Variants in IGLON5 observed in about 807,000 individuals in gnomAD.
IGLON5 encodes Ig-like domain-containing protein ENSP00000270642.
Under a neutral mutation model 38.2 loss-of-function variants are expected in IGLON5, and 16 were observed. The observed-to-expected ratio is 0.42, with a 90% CI of 0.28 to 0.64. The LOEUF (loss-of-function observed/expected upper bound fraction) is 0.64. IGLON5 is among the 30% of genes least tolerant of loss of function. The pLI is 0.23. For synonymous variants in IGLON5, 207 were observed against 216.4 expected (o/e 0.96, Z 0.38); for missense variants, 366 against 483.4 (o/e 0.76, Z 2.28).
rs532190064 is a variant in IGLON5, at chr19:51,317,351, C to T, written c.80-4713C>T. 4.6e-5 allele frequency among the ~76,000 whole-genome samples: 7 copies of T among 151,928 alleles called. No individual in the cohort carries two copies. The East Asian group carries it at 1.4e-3, about 29-fold the overall frequency. On this transcript the variant is annotated intron_variant, in intron 1 of 7. Coordinates refer to ENST00000270642, the MANE Select transcript of IGLON5 (RefSeq NM_001101372.3). ...TTAACTGGCAGGCACTGTACTAGAA[C>T]CTTTACTTGGATTACCTCTTGTAAT...
At position 51,319,884 on chromosome 19, in the gene IGLON5, TTG is replaced by T. The variant is rs563218515; in HGVS notation, c.80-2166_80-2165del. On this transcript the variant is annotated intron_variant, in intron 1 of 7. Transcript: ENST00000270642. The stretch of plus-strand genomic sequence containing the variant: ...TTTGTATGCGTGTGATTGTATGTGT[TTG>T]TGTGTGTGTGTGTATGGGTGTAGCT... Among the ~76,000 whole-genome samples the T allele has an allele frequency of 2.7e-5, 4 of 149,816 alleles. 1 individual carries two copies. In the South Asian group the frequency reaches 6.4e-4, roughly 24 times the overall value.
chr19:51,322,049 C>T lies in IGLON5; in HGVS notation c.80-15C>T, dbSNP rs1271680188. 6.2e-7 allele frequency: 1 copy of T among 1,612,080 alleles called. No individual in the cohort carries two copies. The highest frequency in any genetic ancestry group is 8.5e-7 in the Non-Finnish European group (1 of 1,179,312). On this transcript the variant is annotated splice_polypyrimidine_tract_variant and intron_variant, in intron 1 of 7. Transcript: ENST00000270642. ...GCCTGAGCTGCCAAGGCTGAGCCAC[C>T]CCCACCTTCCACAGGGCTGCTCTCC...
At position 51,323,701 on chromosome 19, in the gene IGLON5, G is replaced by A. The variant is rs1488349629; in HGVS notation, c.198G>A (p.Leu66=). ...AGCACGTGACCCGCGTGGCCTGGCT[G>A]AACCGCTCCAACATCCTGTATGCCG... ...IDEHVTRVAW[L]NRSNILYAGN... Residue 66 remains leucine (L), a synonymous_variant, in exon 3 of 8, where the codon CTG becomes CTA. Coordinates refer to ENST00000270642, the MANE Select transcript of IGLON5 (RefSeq NM_001101372.3). The A allele has an allele frequency of 6.2e-7, 1 of 1,613,864 alleles. No individual in the cohort carries two copies. The highest frequency in any genetic ancestry group is 1.7e-5 in the Admixed American group (1 of 60,022).
chr19:51,315,124 G>A (rs73932766), intron 1 of IGLON5, among the ~76,000 whole-genome samples: 6,992 of 147,206 alleles, frequency 0.047, 479 homozygotes, highest in African/African-American at 0.15. Context: ...CAACACACAC[G>A]CACCCCCTCA....
intron 1 of IGLON5, among the ~76,000 whole-genome samples, chr19:51,316,463 C>CT (rs11424604): frequency 0.062 from 9,176 of 147,500 alleles, 423 homozygotes; most frequent in African/African-American, 0.13. Context: ...CAGATTTTTT[C>CT]TTTTTTTTTC....
In IGLON5 at chr19:51,324,008, C is replaced by G; in HGVS notation, c.391+114C>G. 1 of 710,232 alleles carries G rather than the reference C, an allele frequency of 1.4e-6. No homozygotes were observed. The highest frequency in any genetic ancestry group is 2.7e-5 in the East Asian group (1 of 36,844). The allele number at this position is 710,232 out of a possible 1,614,324, so 44.0% of individuals were successfully genotyped here. On this transcript the variant is annotated intron_variant, in intron 3 of 7. Coordinates refer to ENST00000270642, the MANE Select transcript of IGLON5 (RefSeq NM_001101372.3). This position sits in a 1 kb window ranked among gnomAD's most constrained non-coding sequence, Gnocchi z 4.2. ...CCCCAGGGATACATAGCGAGAAAGA[C>G]AGACACAGCCTTGCCCTTGGGGATT... is the stretch of plus-strand genomic sequence containing the variant.
At position 51,330,546 on chromosome 19, in the gene IGLON5, T is replaced by C. The variant is rs187459880; in HGVS notation, c.*1787T>C. Among the ~76,000 whole-genome samples the C allele has an allele frequency of 8.2e-4, 125 of 152,316 alleles. 1 individual carries two copies. Among genetic ancestry groups the C allele is most frequent in the Admixed American group, 7.2e-4 (11 of 15,296 alleles). On this transcript the variant is annotated 3_prime_UTR_variant, in exon 8 of 8. Transcript: ENST00000270642. ...CAGCATAGCCCATTTCCCACCGTGA[T>C]TGGCTCAGAGATGGGCACATGACCC...
chr19:51,322,752 G>T (rs912008420), intron 2 of IGLON5, among the ~76,000 whole-genome samples: 6 of 140,476 alleles, frequency 4.3e-5, no homozygotes, highest in African/African-American at 8.1e-5. Flanking sequence ...TTCTCTCTGA[G>T]TCTCCCTCTG....
intron 1 of IGLON5, among the ~76,000 whole-genome samples, chr19:51,316,498 CTT>C (rs542147400): frequency 7.3e-6 from 1 of 136,092 alleles, no homozygotes. Flanking sequence ...CTTTTCTTTT[CTT>C]TTTTTTTTTT....
chr19:51,314,162 C>T (rs4802781), intron 1 of IGLON5, among the ~76,000 whole-genome samples: 89,189 of 148,926 alleles, frequency 0.6, 28,143 homozygotes, highest in African/African-American at 0.8. Flanking sequence ...TCTCTCACTG[C>T]AACTTCCCAT....
chr19:51,327,291 G>A lies in IGLON5; in HGVS notation c.767+91G>A, dbSNP rs1221592548. 2.0e-6 allele frequency: 3 copies of A among 1,509,268 alleles called. No homozygotes were observed. Among genetic ancestry groups the A allele is most frequent in the African/African-American group, 1.4e-5 (1 of 73,042 alleles). 93.5% of individuals were successfully genotyped at this position (1,509,268 alleles called of 1,614,324 possible). A position where few individuals can be genotyped will look rare whatever the true frequency, so the allele number is the denominator to read the frequency against. On this transcript the variant is annotated intron_variant, in intron 6 of 7. Transcript: ENST00000270642. This position sits in a 1 kb window ranked among gnomAD's most constrained non-coding sequence, Gnocchi z 7.1. ...GGCAGGGGGACGGAGCGGGGCGGGG[G>A]AAGGCAGCAGAGCTCTGGGTCCCGA...
At chr19:51,311,958 C>T (rs1289110404) in intron 1 of IGLON5, 32 bp downstream of exon 1, 17 of 1,213,552 alleles carry the variant, frequency 1.4e-5, no homozygotes, top group Non-Finnish European at 4.2e-6. Context: ...GGGGCTCGGC[C>T]GGGACGCCAG....
chr19:51,326,077 A>G (rs1031144568), intron 4 of IGLON5, among the ~76,000 whole-genome samples: 1 of 151,872 alleles, frequency 6.6e-6, no homozygotes, highest in African/African-American at 2.4e-5. Flanking sequence ...GACATCACCC[A>G]CCAGCCCTTT....
At chr19:51,323,209 C>T (rs1201714705) in intron 2 of IGLON5, among the ~76,000 whole-genome samples, 10 of 118,044 alleles carry the variant, frequency 8.5e-5, no homozygotes, top group Admixed American at 1.7e-4. Context: ...TTTCTCTCTC[C>T]GGGTCTCTGT....
chr19:51,323,595 C>G (rs1020288214), intron 2 of IGLON5, 67 bp from the exon 3 acceptor site: 102 of 1,397,142 alleles, frequency 7.3e-5, no homozygotes, highest in Middle Eastern at 1.8e-4. Flanking sequence ...TCCCACCCAC[C>G]CCCTCGGTGG....
chr19:51,327,627 G>T lies in IGLON5; in HGVS notation c.768-105G>T. On this transcript the variant is annotated intron_variant, in intron 6 of 7. Transcript: ENST00000270642. This position sits in a 1 kb window ranked among gnomAD's most constrained non-coding sequence, Gnocchi z 7.1. ...GAACCCGAGGCGATGGGTCACTGGG[G>T]TAGGGGGCAGAATGCTGGGTCACCG... The T allele has an allele frequency of 2.0e-6, 3 of 1,478,056 alleles. No homozygotes were observed. The highest frequency in any genetic ancestry group is 2.7e-6 in the Non-Finnish European group (3 of 1,106,842). The allele number at this position is 1,478,056 out of a possible 1,614,324, so 91.6% of individuals were successfully genotyped here. A position where few individuals can be genotyped will look rare whatever the true frequency, so the allele number is the denominator to read the frequency against.
chr19:51,312,401 T>G (rs867556951), intron 1 of IGLON5, among the ~76,000 whole-genome samples: 68 of 151,872 alleles, frequency 4.5e-4, no homozygotes, highest in African/African-American at 1.6e-3. Flanking sequence ...GGGGTAGTCA[T>G]CTCGGGACAG....
intron 1 of IGLON5, 101 bp downstream of exon 1, chr19:51,312,027 C>T (rs982755545): frequency 5.1e-6 from 3 of 593,470 alleles, no homozygotes; most frequent in Non-Finnish European, 7.1e-6. Context: ...ATCCCTGGGC[C>T]GGCGCGGGGA....
Position 51,325,915 on chromosome 19 carries a change from C to G in IGLON5, c.511+450C>G, listed in dbSNP as rs1047532108. ...GCCCCAGACCCGAAGCATCAGCATA[C>G]CTTGGGAACTTGCCAGGAATGCACT... On this transcript the variant is annotated intron_variant, in intron 4 of 7. Transcript: ENST00000270642. This position sits in a 1 kb window ranked among gnomAD's most constrained non-coding sequence, Gnocchi z 5.5. Among the ~76,000 whole-genome samples, 2 of 152,144 alleles carry G rather than the reference C, an allele frequency of 1.3e-5. No homozygotes were observed. The highest frequency in any genetic ancestry group is 2.9e-5 in the Non-Finnish European group (2 of 68,026).
Sources: allele counts gnomAD v4.1 joint callset (sites outside exome capture counted in the v4.1 genomes callset), GRCh38; gene constraint gnomAD v4.1.1; non-coding constraint Gnocchi (gnomAD v3.1); transcripts MANE v1.5; gene names NCBI Gene and HGNC (gene_info 2026-07-23, HGNC 2026-07-21).